Variants in ATL3 observed in about 807,000 individuals in gnomAD.
ATL3 encodes atlastin-3.
ATL3 carries 49 observed loss-of-function variants against 69.5 expected under a neutral mutation model. The ratio of observed to expected loss-of-function variants is 0.71; its 90% CI spans 0.56 to 0.89. The LOEUF is 0.89. Ranked by LOEUF, ATL3 falls within the 40% of genes least tolerant of loss-of-function variation. The probability of loss-of-function intolerance (pLI) is 0.00; values close to 1 mark genes in which losing one functional copy is unlikely to be tolerated. For synonymous variants in ATL3, 214 were observed against 224.1 expected (o/e 0.95, Z 0.40); for missense variants, 606 against 645.7 (o/e 0.94, Z 0.67).
chr11:63,663,122 C>CTT (rs770860366), intron 1 of ATL3, among the ~76,000 whole-genome samples: 30 of 145,446 alleles, frequency 2.1e-4, no homozygotes, highest in African/African-American at 6.8e-4. Flanking sequence ...GTTCTTCGCA[C>CTT]TTTTTTTTTT....
At chr11:63,663,010 G>A (rs1204326876) in intron 1 of ATL3, among the ~76,000 whole-genome samples, 1 of 152,168 alleles carries the variant, frequency 6.6e-6, no homozygotes, top group Admixed American at 6.5e-5. Context: ...ATCATGGCAG[G>A]CAAAGCAGAC....
chr11:63,654,539 A>C (rs1364997760), intron 3 of ATL3, among the ~76,000 whole-genome samples: 2 of 151,660 alleles, frequency 1.3e-5, no homozygotes, highest in Non-Finnish European at 2.9e-5. Flanking sequence ...CTGGGATTAC[A>C]GGCATGAGCC....
At chr11:63,656,771 G>A (rs1394771729) in intron 3 of ATL3, among the ~76,000 whole-genome samples, 2 of 150,214 alleles carry the variant, frequency 1.3e-5, no homozygotes, top group Non-Finnish European at 3.0e-5. Flanking sequence ...AAAAGGCAAA[G>A]GGGCAACACC....
intron 1 of ATL3, among the ~76,000 whole-genome samples, chr11:63,660,273 A>G (rs1940381585): frequency 6.6e-6 from 1 of 152,206 alleles, no homozygotes; most frequent in Non-Finnish European, 1.5e-5. Flanking sequence ...TAAGAAAAAA[A>G]TAACAGGCAC....
Position 63,659,261 on chromosome 11 carries a change from A to T in ATL3, c.47-9T>A, listed in dbSNP as rs1940352969. 1 of 1,610,664 alleles carries T rather than the reference A, an allele frequency of 6.2e-7. No individual in the cohort carries two copies. Among genetic ancestry groups the T allele is most frequent in the Admixed American group, 1.7e-5 (1 of 59,456 alleles). On this transcript the variant is annotated splice_polypyrimidine_tract_variant and intron_variant, in intron 1 of 12. Transcript: ENST00000398868. The stretch of plus-strand genomic sequence containing the variant: ...GCTCTCCATGGCATCATCTATGTTC[A>T]TGCAGAGAAAAAAAATCAGTGTCAA...
intron 1 of ATL3, among the ~76,000 whole-genome samples, chr11:63,665,182 C>T (rs185039289): frequency 6.6e-6 from 1 of 151,996 alleles, no homozygotes; most frequent in East Asian, 1.9e-4. Context: ...TCTGTCTCTA[C>T]TAAAAATACA....
At chr11:63,671,850 C>T (rs944130526), upstream of ATL3, 2 of 658,512 alleles carry the variant, frequency 3.0e-6, no homozygotes, top group African/African-American at 2.0e-5. Flanking sequence ...ACGTGCAGAC[C>T]AGGCCCCAGG....
At chr11:63,655,450 CTT>C (rs779379886) in intron 3 of ATL3, among the ~76,000 whole-genome samples, 33 of 134,896 alleles carry the variant, frequency 2.4e-4, no homozygotes, top group Admixed American at 5.3e-4. Context: ...CGCATCTGGC[CTT>C]TTTTTTTTTT....
At chr11:63,652,107 T>C in intron 4 of ATL3, 121 bp from the exon 5 acceptor site, 3 of 1,444,158 alleles carry the variant, frequency 2.1e-6, no homozygotes, top group South Asian at 2.9e-5. Flanking sequence ...ACATGAGGCC[T>C]GTTCAAACAG....
chr11:63,624,980 AC>A lies in ATL3; in HGVS notation c.*4338del, dbSNP rs1390232078. On this transcript the variant is annotated 3_prime_UTR_variant, in exon 13 of 13. Coordinates refer to ENST00000398868, the MANE Select transcript of ATL3 (RefSeq NM_015459.5). Reference sequence around the variant, plus strand: ...TTATAAAAGTGATGACTCCAGGACCACAGCCCATACCACCTGAGGCAATCCC... The same window carrying A: ...TTATAAAAGTGATGACTCCAGGACCAAGCCCATACCACCTGAGGCAATCCC... 2.0e-5 allele frequency: 3 copies of A among 152,192 alleles called. No homozygotes were observed. Among genetic ancestry groups the A allele is most frequent in the Admixed American group, 6.5e-5 (1 of 15,278 alleles). 9.4% of individuals were successfully genotyped at this position (152,192 alleles called of 1,614,324 possible).
Position 63,669,163 on chromosome 11 carries a change from T to C in ATL3, c.46+2127A>G, listed in dbSNP as rs1036386566. On this transcript the variant is annotated intron_variant, in intron 1 of 12. Coordinates refer to ENST00000398868, the MANE Select transcript of ATL3 (RefSeq NM_015459.5). ...AGGATTTCCTAATTAGCGCCTACTA[T>C]ACCAGGAAAGCCTGTCTTCTAATCT... 2.0e-5 allele frequency among the ~76,000 whole-genome samples: 3 copies of C among 151,930 alleles called. No homozygotes were observed. The East Asian group carries it at 5.8e-4, about 29-fold the overall frequency.
intron 11 of ATL3, chr11:63,632,582 C>A (rs759401335): frequency 4.7e-6 from 4 of 849,788 alleles, no homozygotes; most frequent in Non-Finnish European, 8.2e-6. Flanking sequence ...GATAAATCTA[C>A]AGAATTCTAC....
chr11:63,642,350 T>C (rs914455997), intron 8 of ATL3, among the ~76,000 whole-genome samples: 1 of 152,182 alleles, frequency 6.6e-6, no homozygotes, highest in Admixed American at 6.5e-5. Context: ...TAAGACCAGC[T>C]AGAATGAAAA....
At chr11:63,653,681 A>G (rs1049027993) in intron 3 of ATL3, among the ~76,000 whole-genome samples, 4 of 152,246 alleles carry the variant, frequency 2.6e-5, no homozygotes, top group Non-Finnish European at 5.9e-5. Context: ...AACTATCAAG[A>G]CACGAAAGAG....
chr11:63,653,274 C>T (rs1252363611), intron 3 of ATL3, among the ~76,000 whole-genome samples: 1 of 152,012 alleles, frequency 6.6e-6, no homozygotes, highest in East Asian at 1.9e-4. Flanking sequence ...CGAGACCAGC[C>T]CGGCTAACAT....
At chr11:63,634,368 G>A (rs1460189580) in intron 10 of ATL3, among the ~76,000 whole-genome samples, 6 of 151,686 alleles carry the variant, frequency 4.0e-5, no homozygotes, top group Admixed American at 6.6e-5. Flanking sequence ...TTAGCCGGGC[G>A]TGGTGGCAGG....
At position 63,627,100 on chromosome 11, in the gene ATL3, TA is replaced by T. The variant is rs1294857022; in HGVS notation, c.*2218del. ...TTTTTAAAGTGACCTAATACTTTAGTATGAGTTTTCGACACATCACCCCTTC... is the reference window on the plus strand; with the variant it reads ...TTTTTAAAGTGACCTAATACTTTAGTTGAGTTTTCGACACATCACCCCTTC... On this transcript the variant is annotated 3_prime_UTR_variant, in exon 13 of 13. Coordinates refer to ENST00000398868, the MANE Select transcript of ATL3 (RefSeq NM_015459.5). 1 of 152,218 alleles carries T rather than the reference TA, an allele frequency of 6.6e-6. No individual in the cohort carries two copies. The highest frequency in any genetic ancestry group is 6.5e-5 in the Admixed American group (1 of 15,282). The allele number at this position is 152,218 out of a possible 1,614,324, so 9.4% of individuals were successfully genotyped here.
chr11:63,632,897 G>A, intron 11 of ATL3, 129 bp downstream of exon 11: 1 of 863,566 alleles, frequency 1.2e-6, no homozygotes, highest in Non-Finnish European at 1.8e-6. Flanking sequence ...CCGTTACCAG[G>A]ACAACCTGAA....
chr11:63,668,091 T>G (rs1249911116), intron 1 of ATL3, among the ~76,000 whole-genome samples: 1 of 152,194 alleles, frequency 6.6e-6, no homozygotes, highest in African/African-American at 2.4e-5. Flanking sequence ...AACCAACCAG[T>G]CACAGAAACA....
Sources: gnomAD v4.1 joint callset for allele counts (sites outside exome capture counted in the v4.1 genomes callset) on GRCh38, gnomAD v4.1.1 for gene constraint, MANE v1.5 for transcripts, NCBI Gene and HGNC (gene_info 2026-07-23, HGNC 2026-07-21) for gene names.